Variants in CDC73 observed in about 807,000 individuals in gnomAD.
CDC73 encodes parafibromin.
A neutral mutation model predicts 83.7 loss-of-function variants in CDC73; 21 were observed. The observed-to-expected ratio is 0.25, with a 90% confidence interval of 0.18 to 0.36. The LOEUF is 0.36. Ranked by LOEUF, CDC73 falls within the 10% of genes least tolerant of loss-of-function variation. The pLI is 1.00. For synonymous variants in CDC73, 224 were observed against 212.9 expected, an observed-to-expected ratio of 1.05 and a Z score of -0.45; for missense variants, 342 against 653.3, an observed-to-expected ratio of 0.52 and a Z score of 5.19.
At chr1:193,234,876 G>T (rs1419702090) in intron 14 of CDC73, among the ~76,000 whole-genome samples, 1 of 148,568 alleles carries the variant, frequency 6.7e-6, no homozygotes, top group Admixed American at 6.9e-5. Flanking sequence ...TTTAACTTAA[G>T]ATTTAATTTT....
intron 7 of CDC73, among the ~76,000 whole-genome samples, chr1:193,142,711 A>T (rs972267644): frequency 6.6e-6 from 1 of 151,792 alleles, no homozygotes; most frequent in Non-Finnish European, 1.5e-5. Context: ...ATAATGCATT[A>T]GAAAACATTG....
At chr1:193,224,350 TATATATGAAATATGCATTCACATATACAC>T (rs1183232504) in intron 13 of CDC73, among the ~76,000 whole-genome samples, 29 of 152,196 alleles carry the variant, frequency 1.9e-4, no homozygotes, top group Middle Eastern at 6.8e-3. Context: ...TATATATATA[TATATATGAAATATGCATTCACATATACAC>T]ATATATGAAA....
At chr1:193,130,092 A>T (rs946397429) in intron 2 of CDC73, 82 bp from the exon 3 acceptor site, 15 of 745,890 alleles carry the variant, frequency 2.0e-5, no homozygotes, top group Non-Finnish European at 3.4e-5. Context: ...TTGGAATAAA[A>T]TTCAGACATT....
intron 13 of CDC73, among the ~76,000 whole-genome samples, chr1:193,229,503 G>A (rs996385436): frequency 1.3e-5 from 2 of 152,164 alleles, no homozygotes; most frequent in African/African-American, 2.4e-5. Context: ...GCAATAATAC[G>A]GTTTACAAAC....
At chr1:193,198,278 G>C (rs1471713851) in intron 10 of CDC73, among the ~76,000 whole-genome samples, 1 of 152,192 alleles carries the variant, frequency 6.6e-6, no homozygotes, top group Non-Finnish European at 1.5e-5. Context: ...AAATTTGTGT[G>C]TTGAAAATTA....
intron 15 of CDC73, among the ~76,000 whole-genome samples, chr1:193,240,621 T>A (rs1027283652): frequency 1.3e-5 from 2 of 152,204 alleles, no homozygotes. Flanking sequence ...TTGAACATTT[T>A]TTCATATATT....
At chr1:193,155,081 T>TTA (rs1300265845) in intron 10 of CDC73, among the ~76,000 whole-genome samples, 1 of 152,228 alleles carries the variant, frequency 6.6e-6, no homozygotes, top group African/African-American at 2.4e-5. Context: ...CAGATTTCTG[T>TTA]TATATGCAAG....
At chr1:193,168,642 G>A (rs1245287541) in intron 10 of CDC73, among the ~76,000 whole-genome samples, 1 of 151,840 alleles carries the variant, frequency 6.6e-6, no homozygotes. Flanking sequence ...CTCTGGCCCA[G>A]CCTCCTGAGT....
At position 193,125,562 on chromosome 1, in the gene CDC73, A is replaced by C. The variant is rs1283231107; in HGVS notation, c.237+345A>C. ...CTGGCATGAATCACTGTGCCTGGCCAATAATTCATTTTAAAACTTTTTTTT... is the reference window on the plus strand; with the variant it reads ...CTGGCATGAATCACTGTGCCTGGCCCATAATTCATTTTAAAACTTTTTTTT... On this transcript the variant is annotated intron_variant, in intron 2 of 16. Transcript: ENST00000367435. Among the ~76,000 whole-genome samples, 4 of 151,880 alleles carry C rather than the reference A, an allele frequency of 2.6e-5. No individual in the cohort carries two copies. The East Asian group carries it at 7.7e-4, about 29-fold the overall frequency.
intron 2 of CDC73, chr1:193,128,186 CAGT>C (rs1279898120): frequency 6.6e-6 from 1 of 152,180 alleles, no homozygotes; most frequent in African/African-American, 2.4e-5. Flanking sequence ...GTACATAACT[CAGT>C]AGTGACCAAA....
chr1:193,178,642 A>G (rs1296311226), intron 10 of CDC73, among the ~76,000 whole-genome samples: 1 of 152,202 alleles, frequency 6.6e-6, no homozygotes, highest in East Asian at 1.9e-4. Flanking sequence ...TTTATTAAGT[A>G]ATTCTGGTAT....
chr1:193,247,861 ATGG>A (rs1407757403), intron 15 of CDC73, among the ~76,000 whole-genome samples: 1 of 152,100 alleles, frequency 6.6e-6, no homozygotes, highest in Non-Finnish European at 1.5e-5. Context: ...GTAGCAGTAG[ATGG>A]TTCATGGATT....
At chr1:193,218,044 G>A (rs1677400525) in intron 13 of CDC73, among the ~76,000 whole-genome samples, 1 of 152,128 alleles carries the variant, frequency 6.6e-6, no homozygotes, top group South Asian at 2.1e-4. Context: ...TGATAAACAA[G>A]TTTAGTGAAA....
intron 15 of CDC73, among the ~76,000 whole-genome samples, chr1:193,243,241 A>G (rs985028245): frequency 2.6e-5 from 4 of 151,340 alleles, no homozygotes; most frequent in Non-Finnish European, 4.4e-5. Flanking sequence ...TGCCCAGCTT[A>G]CTTCTTGTTT....
intron 10 of CDC73, chr1:193,179,203 TA>T (rs1249885701): frequency 7.2e-5 from 11 of 152,170 alleles, no homozygotes; most frequent in African/African-American, 2.7e-4. Context: ...TCTACCAAAT[TA>T]AAAACTGCAG....
chr1:193,237,975 A>G (rs983529817), intron 15 of CDC73, among the ~76,000 whole-genome samples: 1 of 152,188 alleles, frequency 6.6e-6, no homozygotes, highest in Non-Finnish European at 1.5e-5. Flanking sequence ...ATGAAAGTAA[A>G]ATGTCAACGA....
rs368442389 is a variant in CDC73, at chr1:193,236,272, G to A, written c.1333G>A (p.Val445Ile). 8.2e-5 allele frequency: 132 copies of A among 1,613,520 alleles called. No homozygotes were observed. The highest frequency in any genetic ancestry group is 1.1e-4 in the Non-Finnish European group (126 of 1,179,572). ...MPQDWDRVVA[V>I]FVQGPAWQFK... ...TACTTGTAGGGACCGCGTTGTAGCC[G>A]TTTTTGTGCAGGGTCCTGCATGGCA... Residue 445 changes from valine (V) to isoleucine (I), a missense_variant, in exon 15 of 17, where the codon GTT becomes ATT. Transcript: ENST00000367435.
chr1:193,246,052 C>T (rs1677948240), intron 15 of CDC73, among the ~76,000 whole-genome samples: 1 of 152,008 alleles, frequency 6.6e-6, no homozygotes, highest in African/African-American at 2.4e-5. Context: ...GAGTAATTTG[C>T]AGATATTTTC....
intron 10 of CDC73, among the ~76,000 whole-genome samples, chr1:193,172,479 G>A (rs1452550500): frequency 6.6e-6 from 1 of 152,048 alleles, no homozygotes; most frequent in Non-Finnish European, 1.5e-5. Context: ...CTTCCTGCAG[G>A]TTATAGAGCC....
Sources: allele counts gnomAD v4.1 joint callset (sites outside exome capture counted in the v4.1 genomes callset), GRCh38; gene constraint gnomAD v4.1.1; transcripts MANE v1.5; gene names NCBI Gene and HGNC (gene_info 2026-07-23, HGNC 2026-07-21).